The following DTNB variants were observed in gnomAD, a reference collection of about 807,000 sequenced individuals.
DTNB encodes the protein dystrobrevin beta.
DTNB carries 63 observed loss-of-function variants against 90.7 expected under a neutral mutation model. The ratio of observed to expected loss-of-function variants is 0.69; its 90% CI spans 0.57 to 0.86. DTNB has a LOEUF of 0.86. Among genes scored for constraint, DTNB ranks in the 40% least tolerant of loss-of-function variants. DTNB has a pLI of 0.00. For synonymous variants in DTNB, 277 were observed against 286.7 expected, an observed-to-expected ratio of 0.97 and a Z score of 0.34; for missense variants, 744 against 807.1, an observed-to-expected ratio of 0.92 and a Z score of 0.95.
At chr2:25,671,417 G>A (rs1306610670) in intron 1 of DTNB, among the ~76,000 whole-genome samples, 1 of 152,124 alleles carries the variant, frequency 6.6e-6, no homozygotes, top group Non-Finnish European at 1.5e-5. Flanking sequence ...CTGGAATAAG[G>A]CACCCAATAT....
chr2:25,566,302 G>A (rs2059023013), intron 8 of DTNB, among the ~76,000 whole-genome samples: 1 of 152,178 alleles, frequency 6.6e-6, no homozygotes, highest in Non-Finnish European at 1.5e-5. Context: ...TAAACAAATT[G>A]TGCGAACAGG....
chr2:25,434,906 T>G (rs1016617494), intron 12 of DTNB, among the ~76,000 whole-genome samples: 3 of 152,220 alleles, frequency 2.0e-5, no homozygotes, highest in African/African-American at 7.2e-5. Context: ...ATTTACTTAC[T>G]ACTTTTTTCT....
At chr2:25,646,554 C>A (rs755435262) in intron 2 of DTNB, among the ~76,000 whole-genome samples, 1 of 152,212 alleles carries the variant, frequency 6.6e-6, no homozygotes, top group South Asian at 2.1e-4. Flanking sequence ...TATGAGAAAA[C>A]GCTAGTCTCC....
chr2:25,413,571 C>T (rs2047148661), intron 16 of DTNB, among the ~76,000 whole-genome samples: 1 of 152,132 alleles, frequency 6.6e-6, no homozygotes, highest in African/African-American at 2.4e-5. Flanking sequence ...CAGCTTCATC[C>T]ATGTCCCTAC....
chr2:25,585,014 T>C (rs952765232), intron 6 of DTNB, among the ~76,000 whole-genome samples: 4 of 152,216 alleles, frequency 2.6e-5, no homozygotes, highest in African/African-American at 9.6e-5. Flanking sequence ...ATTCCATGAC[T>C]CAATAAATAA....
chr2:25,478,122 T>C (rs2064115989), intron 10 of DTNB, among the ~76,000 whole-genome samples: 1 of 152,204 alleles, frequency 6.6e-6, no homozygotes, highest in Non-Finnish European at 1.5e-5. Flanking sequence ...TACTTTCCTT[T>C]TCCCTAAGTC....
chr2:25,571,933 G>A (rs948224748), intron 8 of DTNB, among the ~76,000 whole-genome samples: 2 of 152,090 alleles, frequency 1.3e-5, no homozygotes, highest in Non-Finnish European at 2.9e-5. Flanking sequence ...GTTCTCTCCA[G>A]TGGAATTTAA....
At position 25,413,268 on chromosome 2, in the gene DTNB, AC is replaced by A. The variant is rs751938199; in HGVS notation, c.1575+6246del. Among the ~76,000 whole-genome samples the A allele has an allele frequency of 3.1e-3, 443 of 142,078 alleles. 2 individuals are homozygous for A. Among genetic ancestry groups the A allele is most frequent in the Non-Finnish European group, 5.3e-3 (331 of 62,216 alleles). The allele number at this position is 142,078 out of a possible 152,430, so 93.2% of individuals were successfully genotyped here. A position where few individuals can be genotyped will look rare whatever the true frequency, so the allele number is the denominator to read the frequency against. ...TATTTGCTTTCTTGGGAAATCAGAC[AC>A]CTTTTTTTTTTAATACTTTAAGTTC... On this transcript the variant is annotated intron_variant, in intron 16 of 20. Coordinates refer to ENST00000406818, the MANE Select transcript of DTNB (RefSeq NM_021907.5).
At chr2:25,480,967 T>C (rs2064813170) in intron 10 of DTNB, among the ~76,000 whole-genome samples, 1 of 152,182 alleles carries the variant, frequency 6.6e-6, no homozygotes, top group South Asian at 2.1e-4. Context: ...GAGAGGGCAT[T>C]GCTGGTAAAT....
chr2:25,541,464 G>A (rs956195742), intron 8 of DTNB, among the ~76,000 whole-genome samples: 4 of 151,888 alleles, frequency 2.6e-5, no homozygotes, highest in African/African-American at 4.8e-5. Flanking sequence ...CCTGGGTGAC[G>A]GCAAGACTCC....
intron 16 of DTNB, among the ~76,000 whole-genome samples, chr2:25,416,254 C>G (rs1057450809): frequency 1.3e-5 from 2 of 152,194 alleles, no homozygotes; most frequent in African/African-American, 2.4e-5. Flanking sequence ...CAGTAAATCC[C>G]TAAGGGGAAT....
chr2:25,562,994 T>C (rs2058487559), intron 8 of DTNB, among the ~76,000 whole-genome samples: 1 of 152,128 alleles, frequency 6.6e-6, no homozygotes, highest in Non-Finnish European at 1.5e-5. Context: ...GGTCTCAAAC[T>C]CCTGGAGTCA....
intron 15 of DTNB, among the ~76,000 whole-genome samples, chr2:25,423,744 C>T (rs898898271): frequency 6.6e-6 from 1 of 151,812 alleles, no homozygotes; most frequent in African/African-American, 2.4e-5. Context: ...ACTGCAACCT[C>T]CACCTCCTGG....
chr2:25,478,253 A>G (rs1220793639), intron 10 of DTNB, among the ~76,000 whole-genome samples: 1 of 152,194 alleles, frequency 6.6e-6, no homozygotes, highest in Non-Finnish European at 1.5e-5. Context: ...GGAGATACCC[A>G]GGCCTGGTCC....
At chr2:25,507,026 T>A (rs1019895164) in intron 9 of DTNB, among the ~76,000 whole-genome samples, 3 of 152,136 alleles carry the variant, frequency 2.0e-5, no homozygotes, top group Admixed American at 6.5e-5. Context: ...AAAAGAATTT[T>A]AAAAAAAGAA....
At chr2:25,609,595 C>CAAAAA (rs34804799) in intron 4 of DTNB, among the ~76,000 whole-genome samples, 1 of 109,220 alleles carries the variant, frequency 9.2e-6, no homozygotes, top group Non-Finnish European at 1.8e-5. Flanking sequence ...GAAACTCTTT[C>CAAAAA]AAAAAAAAAA....
intron 9 of DTNB, among the ~76,000 whole-genome samples, chr2:25,485,330 A>C (rs896745436): frequency 1.3e-5 from 2 of 152,178 alleles, no homozygotes; most frequent in Non-Finnish European, 2.9e-5. Context: ...TCAATATTAA[A>C]GATATCACTG....
At chr2:25,405,359 G>A (rs1457571763) in intron 16 of DTNB, among the ~76,000 whole-genome samples, 1 of 152,068 alleles carries the variant, frequency 6.6e-6, no homozygotes, top group African/African-American at 2.4e-5. Flanking sequence ...TGACCAACAT[G>A]GTGAAACCCC....
intron 1 of DTNB, among the ~76,000 whole-genome samples, chr2:25,656,261 T>C (rs2082045048): frequency 2.6e-5 from 4 of 152,332 alleles, no homozygotes; most frequent in East Asian, 1.9e-4. Flanking sequence ...CTATAAACCA[T>C]TTCCCTAGGC....
Sources: gnomAD v4.1 joint callset for allele counts (sites outside exome capture counted in the v4.1 genomes callset) on GRCh38, gnomAD v4.1.1 for gene constraint, MANE v1.5 for transcripts, NCBI Gene and HGNC (gene_info 2026-07-23, HGNC 2026-07-21) for gene names.